The following ICA1 variants were observed in gnomAD, a reference collection of about 807,000 sequenced individuals.
ICA1 encodes 69 kDa islet cell autoantigen.
A neutral mutation model predicts 71.0 loss-of-function variants in ICA1; 40 were observed. The observed-to-expected ratio is 0.56, with a 90% CI of 0.44 to 0.73. The LOEUF (loss-of-function observed/expected upper bound fraction) is 0.73, where lower values mean the gene tolerates loss of function less well. ICA1 is among the 30% of genes least tolerant of loss of function. The pLI is 0.00. For missense variants in ICA1, 578 were observed against 576.5 expected (o/e 1.00, Z -0.03); for synonymous variants, 207 against 209.5 (o/e 0.99, Z 0.10).
chr7:8,147,687 A>AACACACACACACAC (rs71014764), intron 8 of ICA1, among the ~76,000 whole-genome samples: 40 of 145,306 alleles, frequency 2.8e-4, no homozygotes, highest in African/African-American at 9.8e-4. Context: ...AGCCAAGGGG[A>AACACACACACACAC]ACACACACAC....
At chr7:8,206,132 C>T (rs1420292163) in intron 6 of ICA1, among the ~76,000 whole-genome samples, 1 of 152,210 alleles carries the variant, frequency 6.6e-6, no homozygotes, top group Non-Finnish European at 1.5e-5. Flanking sequence ...TACTTTCTCA[C>T]CTTTTTTCCC....
At chr7:8,125,214 G>A (rs1295451967) in intron 13 of ICA1, among the ~76,000 whole-genome samples, 1 of 152,178 alleles carries the variant, frequency 6.6e-6, no homozygotes, top group African/African-American at 2.4e-5. Context: ...TCCTGTGATG[G>A]CTCCCAATTT....
chr7:8,128,117 G>C lies in ICA1; in HGVS notation c.1086C>G (p.Thr362=). The C allele has an allele frequency of 6.2e-7, 1 of 1,614,112 alleles. No homozygotes were observed. Among genetic ancestry groups the C allele is most frequent in the Non-Finnish European group, 8.5e-7 (1 of 1,179,994 alleles). Residue 362 remains threonine, a synonymous_variant, in exon 13 of 14, where the codon ACC becomes ACG. Coordinates refer to ENST00000402384, the MANE Select transcript of ICA1 (RefSeq NM_001136020.3). ...EGACLGPVAG[T]PEPEGADKDD... Reference sequence around the variant, plus strand: ...CTTTGTCAGCACCTTCAGGTTCCGGGGTCCCTGCCACTGGTCCCAGGCAAG... The same window carrying C: ...CTTTGTCAGCACCTTCAGGTTCCGGCGTCCCTGCCACTGGTCCCAGGCAAG...
intron 1 of ICA1, among the ~76,000 whole-genome samples, chr7:8,245,642 GT>G: frequency 6.6e-6 from 1 of 152,040 alleles, no homozygotes; most frequent in East Asian, 1.9e-4. Flanking sequence ...TGAAATTAAT[GT>G]TTATATATTT....
intron 10 of ICA1, 22 bp from the exon 11 acceptor site, chr7:8,139,069 T>C: frequency 1.3e-6 from 2 of 1,593,468 alleles, no homozygotes; most frequent in Non-Finnish European, 8.6e-7. Context: ...CATGTGCAAC[T>C]GGTTACCAAC....
At chr7:8,242,279 C>A (rs891599434) in intron 1 of ICA1, among the ~76,000 whole-genome samples, 3 of 152,192 alleles carry the variant, frequency 2.0e-5, no homozygotes, top group African/African-American at 7.2e-5. Flanking sequence ...AATGACACAA[C>A]TACATGCAAA....
chr7:8,124,942 C>A (rs1031746629), intron 13 of ICA1, among the ~76,000 whole-genome samples: 1 of 152,076 alleles, frequency 6.6e-6, no homozygotes, highest in East Asian at 1.9e-4. Context: ...GTGCACACCA[C>A]CACACCCAGC....
At chr7:8,154,736 A>G (rs1263293599) in intron 8 of ICA1, among the ~76,000 whole-genome samples, 3 of 152,240 alleles carry the variant, frequency 2.0e-5, no homozygotes. Flanking sequence ...AACACAGGAC[A>G]TGTATTAAAA....
chr7:8,163,545 A>G (rs1409055709), intron 6 of ICA1, among the ~76,000 whole-genome samples: 1 of 152,222 alleles, frequency 6.6e-6, no homozygotes, highest in Non-Finnish European at 1.5e-5. Context: ...AGGTGTAACT[A>G]TGAACTGAGT....
At chr7:8,239,471 C>T (rs1320092383) in intron 1 of ICA1, among the ~76,000 whole-genome samples, 1 of 152,190 alleles carries the variant, frequency 6.6e-6, no homozygotes, top group African/African-American at 2.4e-5. Context: ...CTGCAGCTCC[C>T]AGCGTGGCTG....
chr7:8,217,049 G>C (rs1280345130), intron 6 of ICA1, among the ~76,000 whole-genome samples: 1 of 152,190 alleles, frequency 6.6e-6, no homozygotes, highest in Non-Finnish European at 1.5e-5. Flanking sequence ...CCAGCATCTA[G>C]CTAGCAATCC....
intron 6 of ICA1, among the ~76,000 whole-genome samples, chr7:8,189,738 C>G (rs1784980319): frequency 6.6e-6 from 1 of 151,286 alleles, no homozygotes; most frequent in Non-Finnish European, 1.5e-5. Flanking sequence ...GGGGGGTAGG[C>G]AGCGCTCCCT....
In ICA1 at chr7:8,252,989, G is replaced by A. The variant is rs548890220; in HGVS notation, c.-80+9105C>T. On this transcript the variant is annotated intron_variant, in intron 1 of 13. Coordinates refer to ENST00000402384, the MANE Select transcript of ICA1 (RefSeq NM_001136020.3). ...GCCTCCTGAGTAGCTGGAATTATAA[G>A]CATGGCACACGCCACAGCCCCCACC... 5.3e-5 allele frequency among the ~76,000 whole-genome samples: 8 copies of A among 152,176 alleles called. No individual in the cohort carries two copies. In the East Asian group the frequency reaches 1.5e-3, roughly 29 times the overall value.
intron 13 of ICA1, among the ~76,000 whole-genome samples, chr7:8,120,402 G>A (rs1403727917): frequency 2.0e-5 from 3 of 152,222 alleles, no homozygotes; most frequent in Non-Finnish European, 4.4e-5. Context: ...AGGGTGCAAT[G>A]AGGGTAATTA....
chr7:8,145,304 C>T (rs1225759061), intron 8 of ICA1, among the ~76,000 whole-genome samples: 1 of 152,146 alleles, frequency 6.6e-6, no homozygotes, highest in African/African-American at 2.4e-5. Context: ...TGCTCCCTAC[C>T]ATCCCCCAAA....
At chr7:8,179,277 C>T (rs913967147) in intron 6 of ICA1, among the ~76,000 whole-genome samples, 3 of 152,182 alleles carry the variant, frequency 2.0e-5, no homozygotes, top group African/African-American at 4.8e-5. Context: ...TGTCCCATAA[C>T]CTAGCCTAGC....
In ICA1 at chr7:8,132,329, T is replaced by C. The variant is rs1040238448; in HGVS notation, c.1061-4187A>G. ...CCTTCCCCTAGCCGCAGGAGATGTGTGCCTATCTCAACAATAATCAGCCTT... is the reference window on the plus strand; with the variant it reads ...CCTTCCCCTAGCCGCAGGAGATGTGCGCCTATCTCAACAATAATCAGCCTT... On this transcript the variant is annotated intron_variant, in intron 12 of 13. Transcript: ENST00000402384. This position sits in a 1 kb window ranked among gnomAD's most constrained non-coding sequence, Gnocchi z 4.5. Among the ~76,000 whole-genome samples, 4 of 152,282 alleles carry C rather than the reference T, an allele frequency of 2.6e-5. 1 individual carries two copies. The South Asian group carries it at 8.3e-4, about 32-fold the overall frequency.
chr7:8,128,239 G>C, intron 12 of ICA1, 97 bp from the exon 13 acceptor site: 2 of 1,241,936 alleles, frequency 1.6e-6, no homozygotes, highest in Non-Finnish European at 2.2e-6. Flanking sequence ...CTGGTTGATG[G>C]CTAGATTTAA....
At chr7:8,185,023 G>C (rs929135051) in intron 6 of ICA1, among the ~76,000 whole-genome samples, 15 of 151,716 alleles carry the variant, frequency 9.9e-5, no homozygotes, top group African/African-American at 3.6e-4. Context: ...GCAGTGACCT[G>C]AGATTGTGCC....
Sources: allele counts gnomAD v4.1 joint callset (sites outside exome capture counted in the v4.1 genomes callset), GRCh38; gene constraint gnomAD v4.1.1; non-coding constraint Gnocchi (gnomAD v3.1); transcripts MANE v1.5; gene names NCBI Gene and HGNC (gene_info 2026-07-23, HGNC 2026-07-21).